PTPRD: variants seen among roughly 807,000 people sequenced by gnomAD.
The protein encoded by PTPRD is protein tyrosine phosphatase receptor type D.
A neutral mutation model predicts 214.5 loss-of-function variants in PTPRD; 34 were observed. The ratio of observed to expected loss-of-function variants is 0.16; its 90% CI spans 0.12 to 0.21. The LOEUF is 0.21. Among genes scored for constraint, PTPRD ranks in the 10% least tolerant of loss-of-function variants. PTPRD has a pLI of 1.00. For synonymous variants in PTPRD, 1,128 were observed against 845.7 expected (o/e 1.33, Z -5.79); for missense variants, 2,545 against 2,398.7 (o/e 1.06, Z -1.27).
intron 2 of PTPRD, among the ~76,000 whole-genome samples, chr9:10,572,110 T>C (rs1018533529): frequency 6.6e-6 from 1 of 152,172 alleles, no homozygotes; most frequent in South Asian, 2.1e-4. Flanking sequence ...CCACGATTAT[T>C]AGAAAATGAA....
intron 32 of PTPRD, among the ~76,000 whole-genome samples, chr9:8,463,765 T>G (rs1394009130): frequency 1.3e-5 from 2 of 152,062 alleles, no homozygotes; most frequent in East Asian, 3.9e-4. Context: ...GGGGATAGCT[T>G]GTGTCTTTGA....
At position 10,037,799 on chromosome 9, in the gene PTPRD, G is replaced by A. The variant is rs188640130; in HGVS notation, c.-544-4009C>T. Among the ~76,000 whole-genome samples the A allele has an allele frequency of 2.9e-4, 44 of 152,146 alleles. No homozygotes were observed. The East Asian group carries it at 7.3e-3, about 25-fold the overall frequency. ...ATATCTAGAAAATAATTCCATTGAAGGTAGCTTTAAAGAGAGCTCAAATAT... is the reference window on the plus strand; with the variant it reads ...ATATCTAGAAAATAATTCCATTGAAAGTAGCTTTAAAGAGAGCTCAAATAT... On this transcript the variant is annotated intron_variant, in intron 3 of 45. Transcript: ENST00000381196.
At position 8,636,692 on chromosome 9, in the gene PTPRD, C is replaced by T. The variant is rs937865641; in HGVS notation, c.210+7G>A. ...CCCCCAGAGAAACAGAACAATGGAC[C>T]TAATACCTCAAATCTCTGATTGCTG... On this transcript the variant is annotated splice_region_variant and intron_variant, in intron 13 of 45. Transcript: ENST00000381196. 6.2e-6 allele frequency: 10 copies of T among 1,613,660 alleles called. No individual in the cohort carries two copies. The highest frequency in any genetic ancestry group is 8.5e-6 in the Non-Finnish European group (10 of 1,179,790).
intron 10 of PTPRD, among the ~76,000 whole-genome samples, chr9:9,066,895 G>C (rs965634480): frequency 1.3e-5 from 2 of 152,176 alleles, no homozygotes; most frequent in African/African-American, 4.8e-5. Context: ...AACTGTGAGA[G>C]AATAAATTTC....
chr9:9,651,826 G>GTTTTTTTTTTTTTTTTTT (rs869105633), intron 7 of PTPRD, among the ~76,000 whole-genome samples: 1 of 55,064 alleles, frequency 1.8e-5, no homozygotes, highest in Non-Finnish European at 3.5e-5. Flanking sequence ...TTCAAGGTTT[G>GTTTTTTTTTTTTTTTTTT]TTTTTTTTTT....
chr9:9,871,200 T>C (rs780434535), intron 5 of PTPRD, among the ~76,000 whole-genome samples: 5 of 152,096 alleles, frequency 3.3e-5, no homozygotes, highest in Non-Finnish European at 7.4e-5. Flanking sequence ...GAAATTACAA[T>C]ATAAAATAGA....
intron 8 of PTPRD, among the ~76,000 whole-genome samples, chr9:9,467,724 C>G (rs1297840128): frequency 1.3e-5 from 2 of 149,104 alleles, no homozygotes; most frequent in African/African-American, 4.9e-5. Context: ...TATAGTTTAT[C>G]TTTTAAAAAG....
At chr9:10,418,546 A>G (rs988008332) in intron 2 of PTPRD, among the ~76,000 whole-genome samples, 1 of 150,124 alleles carries the variant, frequency 6.7e-6, no homozygotes, top group Non-Finnish European at 1.5e-5. Flanking sequence ...ATTTATCACC[A>G]TCTGGCATAC....
At chr9:9,782,531 C>T (rs2098859251) in intron 5 of PTPRD, among the ~76,000 whole-genome samples, 1 of 152,032 alleles carries the variant, frequency 6.6e-6, no homozygotes, top group South Asian at 2.1e-4. Context: ...GATGAGGAAA[C>T]CCTAGGTTGT....
At position 8,500,558 on chromosome 9, in the gene PTPRD, G is replaced by GAAAAAAAAAAA. The variant is rs146807692; in HGVS notation, c.2128+185_2128+195dup. Among the ~76,000 whole-genome samples, 79 of 14,306 alleles carry GAAAAAAAAAAA rather than the reference G, an allele frequency of 5.5e-3. 13 individuals are homozygous for GAAAAAAAAAAA. The highest frequency in any genetic ancestry group is 7.5e-3 in the African/African-American group (24 of 3,190). 9.4% of individuals were successfully genotyped at this position (14,306 alleles called of 152,430 possible). On this transcript the variant is annotated intron_variant, in intron 24 of 45. Transcript: ENST00000381196. ...TTACTGCATTGAGATTGAAAAAAAT[G>GAAAAAAAAAAA]AAAAAAAAAAAAAAAAAAAAAAAAA...
chr9:8,773,031 A>G (rs1026942355), intron 11 of PTPRD, among the ~76,000 whole-genome samples: 2 of 152,090 alleles, frequency 1.3e-5, no homozygotes, highest in Admixed American at 6.5e-5. Flanking sequence ...TGAATGCCCT[A>G]TGAATTACTC....
chr9:10,482,245 C>T (rs1044632462), intron 2 of PTPRD, among the ~76,000 whole-genome samples: 8 of 151,834 alleles, frequency 5.3e-5, no homozygotes, highest in Non-Finnish European at 1.0e-4. Flanking sequence ...GTGGCGGGTG[C>T]CTGTAGTCCC....
At chr9:8,846,129 T>C (rs140202772) in intron 11 of PTPRD, among the ~76,000 whole-genome samples, 11 of 152,342 alleles carry the variant, frequency 7.2e-5, no homozygotes, top group Non-Finnish European at 1.0e-4. Flanking sequence ...GATTTGGCTT[T>C]GTCCTGGTTT....
At chr9:10,157,409 T>G (rs10958922) in intron 3 of PTPRD, among the ~76,000 whole-genome samples, 1 of 152,334 alleles carries the variant, frequency 6.6e-6, no homozygotes, top group Admixed American at 6.5e-5. Flanking sequence ...TGGCAAGACA[T>G]GAAGTTCTGG....
chr9:8,829,351 T>C (rs2097239092), intron 11 of PTPRD, among the ~76,000 whole-genome samples: 1 of 152,166 alleles, frequency 6.6e-6, no homozygotes, highest in Non-Finnish European at 1.5e-5. Flanking sequence ...ATAGATTAGT[T>C]TTACCTAAAA....
At chr9:9,232,911 T>C (rs533105945) in intron 9 of PTPRD, among the ~76,000 whole-genome samples, 1 of 152,060 alleles carries the variant, frequency 6.6e-6, no homozygotes, top group Non-Finnish European at 1.5e-5. Flanking sequence ...TTTCCACAAA[T>C]CCAGCTATAA....
chr9:9,845,534 G>T (rs2059368949), intron 5 of PTPRD, among the ~76,000 whole-genome samples: 1 of 151,678 alleles, frequency 6.6e-6, no homozygotes, highest in African/African-American at 2.4e-5. Flanking sequence ...AATTTGAGCT[G>T]TTTTCAATAC....
chr9:9,939,116 G>C (rs949968107), intron 4 of PTPRD, among the ~76,000 whole-genome samples: 6 of 151,724 alleles, frequency 4.0e-5, no homozygotes, highest in African/African-American at 1.5e-4. Context: ...TTCTCAACTT[G>C]AGAGACACTG....
intron 3 of PTPRD, among the ~76,000 whole-genome samples, chr9:10,274,835 A>C (rs1312433834): frequency 6.6e-6 from 1 of 152,134 alleles, no homozygotes; most frequent in Non-Finnish European, 1.5e-5. Flanking sequence ...TTTTGTCCTT[A>C]GGACATTCAG....
Sources: allele counts gnomAD v4.1 joint callset (sites outside exome capture counted in the v4.1 genomes callset), GRCh38; gene constraint gnomAD v4.1.1; transcripts MANE v1.5; gene names NCBI Gene and HGNC (gene_info 2026-07-23, HGNC 2026-07-21).